CD99: variants seen among roughly 807,000 people sequenced by gnomAD.
CD99 encodes CD99 antigen.
CD99 carries 19 observed loss-of-function variants against 28.4 expected under a neutral mutation model. The observed-to-expected ratio is 0.67, with a 90% CI of 0.47 to 0.98. The LOEUF is 0.98. Ranked by LOEUF, CD99 falls within the 50% of genes least tolerant of loss-of-function variation. The pLI is 0.00. For synonymous variants in CD99, 103 were observed against 92.1 expected (o/e 1.12, Z -0.67); for missense variants, 283 against 248.8 (o/e 1.14, Z -0.92).
At position 2,741,040 on chromosome X, in the gene CD99, G is replaced by GT; in HGVS notation, c.*236_*237insT. ...TTGGACCCCCATTCTCCAAGGCCCG[G>GT]GGGGGCGGTTTCCCATGGGATGTGA... On this transcript the variant is annotated 3_prime_UTR_variant, in exon 10 of 10. Coordinates refer to ENST00000381192, the MANE Select transcript of CD99 (RefSeq NM_002414.5). 1.7e-6 allele frequency: 1 copy of GT among 581,148 alleles called. No individual in the cohort carries two copies. Among genetic ancestry groups the GT allele is most frequent in the East Asian group, 2.8e-5 (1 of 35,442 alleles). 36.0% of individuals were successfully genotyped at this position (581,148 alleles called of 1,614,324 possible).
At chrX:2,693,410 G>C (rs310136) in intron 1 of CD99, among the ~76,000 whole-genome samples, 19,891 of 151,946 alleles carry the variant, frequency 0.13, 2,018 homozygotes, top group African/African-American at 0.28. Context: ...TCCAATTGCA[G>C]AGGAGGGCCT....
At chrX:2,702,630 T>G (rs2047911714) in intron 1 of CD99, among the ~76,000 whole-genome samples, 1 of 152,282 alleles carries the variant, frequency 6.6e-6, no homozygotes, top group East Asian at 1.9e-4. Context: ...TGTGAAAGTT[T>G]GTGACTTAGG....
chrX:2,694,023 G>A (rs2047453242), intron 1 of CD99, among the ~76,000 whole-genome samples: 1 of 152,154 alleles, frequency 6.6e-6, no homozygotes, highest in African/African-American at 2.4e-5. Context: ...CCTGAGGAGG[G>A]CTTGGGAGTT....
intron 9 of CD99, among the ~76,000 whole-genome samples, chrX:2,740,091 T>C (rs2050130766): frequency 6.9e-6 from 1 of 143,928 alleles, no homozygotes; most frequent in African/African-American, 2.6e-5. Flanking sequence ...AAACTCTGTC[T>C]CAAAAATAAT....
At chrX:2,698,049 G>C (rs1036200777) in intron 1 of CD99, among the ~76,000 whole-genome samples, 1 of 151,966 alleles carries the variant, frequency 6.6e-6, no homozygotes, top group Non-Finnish European at 1.5e-5. Context: ...CATAGCATCC[G>C]ATAGACAGAC....
intron 7 of CD99, 188 bp downstream of exon 7, chrX:2,723,552 G>C (rs1212964460): frequency 3.0e-6 from 2 of 669,004 alleles, no homozygotes; most frequent in Non-Finnish European, 5.4e-6. Context: ...AACCAGCCCT[G>C]CTCCGGGTGC....
At chrX:2,737,369 G>T (rs2049998504) in intron 8 of CD99, among the ~76,000 whole-genome samples, 1 of 151,214 alleles carries the variant, frequency 6.6e-6, no homozygotes, top group Admixed American at 6.6e-5. Context: ...ATAGAGACGG[G>T]GTTTCACCAT....
rs2048794171 is a variant in CD99, at chrX:2,717,653, G to T, written c.148+1G>T. On this transcript the variant is annotated splice_donor_variant, in intron 3 of 9. Coordinates refer to ENST00000381192, the MANE Select transcript of CD99 (RefSeq NM_002414.5). LOFTEE classifies it high-confidence loss of function. Reference sequence around the variant, plus strand: ...GCAATCCCCAAGAAACCCAGTGCTGGTGAGAAGGGCTTCTTCCTAGTATGC... The same window carrying T: ...GCAATCCCCAAGAAACCCAGTGCTGTTGAGAAGGGCTTCTTCCTAGTATGC... 3.1e-6 allele frequency: 5 copies of T among 1,613,204 alleles called. No individual in the cohort carries two copies. The highest frequency in any genetic ancestry group is 4.2e-6 in the Non-Finnish European group (5 of 1,179,190).
At chrX:2,700,102 T>C (rs1490680232) in intron 1 of CD99, among the ~76,000 whole-genome samples, 2 of 152,194 alleles carry the variant, frequency 1.3e-5, no homozygotes, top group Non-Finnish European at 2.9e-5. Flanking sequence ...CAGGGGTTGC[T>C]GGGCTTGGGA....
In CD99 at chrX:2,732,390, A is replaced by C. The variant is rs2049666130; in HGVS notation, c.476-5810A>C. Among the ~76,000 whole-genome samples, 3 of 152,212 alleles carry C rather than the reference A, an allele frequency of 2.0e-5. No individual in the cohort carries two copies. The South Asian group carries it at 6.2e-4, about 32-fold the overall frequency. On this transcript the variant is annotated intron_variant, in intron 8 of 9. Transcript: ENST00000381192. ...CTCTGTTTGCCAGGGTCCTGGGCTC[A>C]CAGTGGGTTTCTTGAGGCTTTGGCA...
chrX:2,735,461 C>T (rs1441732422), intron 8 of CD99, among the ~76,000 whole-genome samples: 2 of 152,224 alleles, frequency 1.3e-5, no homozygotes, highest in African/African-American at 2.4e-5. Flanking sequence ...GATGTTGGAA[C>T]TGTTGCCCCA....
In CD99 at chrX:2,691,331, G is replaced by C. The variant is rs1197348231; in HGVS notation, c.-30G>C. On this transcript the variant is annotated 5_prime_UTR_variant, in exon 1 of 10. Coordinates refer to ENST00000381192, the MANE Select transcript of CD99 (RefSeq NM_002414.5). ...CGCCTTCGCCCACGCCCTGCACTCC[G>C]GGACCGTCCCTGCGCGCTCTGGGCG... The C allele has an allele frequency of 7.8e-6, 12 of 1,535,326 alleles. No individual in the cohort carries two copies. The highest frequency in any genetic ancestry group is 1.0e-5 in the Non-Finnish European group (12 of 1,150,308).
intron 8 of CD99, among the ~76,000 whole-genome samples, chrX:2,734,345 T>C (rs2049825997): frequency 6.6e-6 from 1 of 151,980 alleles, no homozygotes; most frequent in Non-Finnish European, 1.5e-5. Flanking sequence ...CTCACTCTGT[T>C]GCCCAGGCTG....
At position 2,703,944 on chromosome X, in the gene CD99, C is replaced by A. The variant is rs1459562084; in HGVS notation, c.68-10478C>A. ...GGTGACAGGGACGGAGAGCAGGGAA[C>A]CCCGAGCAGCCCTGCCTTGCTGTTG... On this transcript the variant is annotated intron_variant, in intron 1 of 9. Coordinates refer to ENST00000381192, the MANE Select transcript of CD99 (RefSeq NM_002414.5). 3.3e-5 allele frequency among the ~76,000 whole-genome samples: 5 copies of A among 152,054 alleles called. No individual in the cohort carries two copies. The East Asian group carries it at 9.6e-4, about 29-fold the overall frequency.
At chrX:2,697,258 A>G (rs1354562164) in intron 1 of CD99, among the ~76,000 whole-genome samples, 1 of 152,052 alleles carries the variant, frequency 6.6e-6, no homozygotes, top group African/African-American at 2.4e-5. Context: ...TGCTTTCTCA[A>G]CTTTGAATGG....
At chrX:2,696,793 C>A (rs1342843906) in intron 1 of CD99, among the ~76,000 whole-genome samples, 1 of 152,178 alleles carries the variant, frequency 6.6e-6, no homozygotes, top group Non-Finnish European at 1.5e-5. Context: ...ACTTCCTCTT[C>A]TTGAATTTCC....
chrX:2,699,640 A>G (rs758284958), intron 1 of CD99, among the ~76,000 whole-genome samples: 8 of 152,146 alleles, frequency 5.3e-5, no homozygotes, highest in African/African-American at 9.6e-5. Context: ...CATTTTTTGT[A>G]GAGACAGGGT....
chrX:2,716,238 C>T (rs1455202674), intron 2 of CD99, among the ~76,000 whole-genome samples: 2 of 152,090 alleles, frequency 1.3e-5, no homozygotes, highest in Admixed American at 6.6e-5. Context: ...AGGCTGGTTT[C>T]GAACTCCTGA....
Position 2,720,423 on chromosome X carries a change from C to T in CD99, c.261C>T (p.Ser87=), listed in dbSNP as rs143391916. The change falls in exon 5 of 10, where the codon TCC becomes TCT. Residue 87 remains serine, a splice_region_variant and synonymous_variant. Coordinates refer to ENST00000381192, the MANE Select transcript of CD99 (RefSeq NM_002414.5). ...CAAACCCCAACCACCCTAGTTCCTC[C>T]GGTAAGAGTCTCTGACCCTGTGGGA... is the stretch of plus-strand genomic sequence containing the variant. ...PNPNPNHPSS[S]GSFSDADLAD... The T allele has an allele frequency of 6.3e-5, 101 of 1,613,466 alleles. No homozygotes were observed. The highest frequency in any genetic ancestry group is 3.3e-4 in the Middle Eastern group (2 of 6,056).
Sources: allele counts gnomAD v4.1 joint callset (sites outside exome capture counted in the v4.1 genomes callset), GRCh38; gene constraint gnomAD v4.1.1; transcripts MANE v1.5; gene names NCBI Gene and HGNC (gene_info 2026-07-23, HGNC 2026-07-21).